The following INPP4B variants were observed in gnomAD, a reference collection of about 807,000 sequenced individuals.
INPP4B encodes the protein inositol polyphosphate-4-phosphatase type II B, also known as inositol polyphosphate 4-phosphatase type II.
Under a neutral mutation model 122.5 loss-of-function variants are expected in INPP4B, and 55 were observed. The observed-to-expected ratio is 0.45, with a 90% CI of 0.36 to 0.56. The LOEUF is 0.56. Among genes scored for constraint, INPP4B ranks in the 20% least tolerant of loss-of-function variants. The pLI is 0.00. For synonymous variants in INPP4B, 403 were observed against 388.7 expected (o/e 1.04, Z -0.43); for missense variants, 1,000 against 1,097.7 (o/e 0.91, Z 1.26).
intron 3 of INPP4B, among the ~76,000 whole-genome samples, chr4:142,434,233 A>G (rs11931981): frequency 0.025 from 3,740 of 152,226 alleles, 148 homozygotes; most frequent in African/African-American, 0.085. Context: ...ATTTTTACAT[A>G]ATGAGCTGAA....
intron 10 of INPP4B, 135 bp downstream of exon 10, chr4:142,270,528 C>T: frequency 1.5e-6 from 1 of 654,450 alleles, no homozygotes. Context: ...TATTGTATTC[C>T]AATTTCAGAG....
At position 142,024,608 on chromosome 4, in the gene INPP4B, C is replaced by G. The variant is rs1183595922; in HGVS notation, c.*4174G>C. On this transcript the variant is annotated 3_prime_UTR_variant, in exon 26 of 26. Coordinates refer to ENST00000262992, the MANE Select transcript of INPP4B (RefSeq NM_001101669.3). ...TACCATCCTGCTTGGAAATCAAACA[C>G]CTAAAACATCTGTGGTGATTTAGCA... 1 of 152,036 alleles carries G rather than the reference C, an allele frequency of 6.6e-6. No individual in the cohort carries two copies. The highest frequency in any genetic ancestry group is 1.5e-5 in the Non-Finnish European group (1 of 68,004). The allele number at this position is 152,036 out of a possible 1,614,324, so 9.4% of individuals were successfully genotyped here.
At chr4:142,133,173 TA>T (rs1319710158) in intron 18 of INPP4B, among the ~76,000 whole-genome samples, 2 of 152,214 alleles carry the variant, frequency 1.3e-5, no homozygotes, top group African/African-American at 4.8e-5. Flanking sequence ...CAAGTATATA[TA>T]ATCTATAGGT....
intron 1 of INPP4B, among the ~76,000 whole-genome samples, chr4:142,843,256 AT>A (rs1783782732): frequency 6.6e-6 from 1 of 151,696 alleles, no homozygotes; most frequent in African/African-American, 2.4e-5. Flanking sequence ...CTAAAAATAA[AT>A]GTTTAAACTA....
intron 12 of INPP4B, among the ~76,000 whole-genome samples, chr4:142,210,456 A>G (rs1844436311): frequency 6.6e-6 from 1 of 152,122 alleles, no homozygotes; most frequent in African/African-American, 2.4e-5. Flanking sequence ...AGAGTAAAGA[A>G]AAAAAAATCA....
intron 1 of INPP4B, among the ~76,000 whole-genome samples, chr4:142,786,865 A>G (rs761973843): frequency 1.3e-5 from 2 of 152,144 alleles, no homozygotes; most frequent in African/African-American, 2.4e-5. Context: ...AAAAATTTAA[A>G]GAGGGGGAAA....
At chr4:142,419,280 G>A (rs912829317) in intron 5 of INPP4B, among the ~76,000 whole-genome samples, 16 of 152,258 alleles carry the variant, frequency 1.1e-4, no homozygotes, top group African/African-American at 3.6e-4. Context: ...CTGTGGAAAA[G>A]TGAGAGCAAG....
chr4:142,712,967 C>G (rs1331183933), intron 2 of INPP4B, among the ~76,000 whole-genome samples: 1 of 152,168 alleles, frequency 6.6e-6, no homozygotes, highest in Non-Finnish European at 1.5e-5. Context: ...TGTTTTGACT[C>G]TGAGGCCAGT....
chr4:142,812,354 G>A (rs1779616758), intron 1 of INPP4B, among the ~76,000 whole-genome samples: 1 of 152,178 alleles, frequency 6.6e-6, no homozygotes, highest in South Asian at 2.1e-4. Flanking sequence ...GAGAAACATT[G>A]CACTTTTTTC....
chr4:142,721,698 G>A (rs375912507), intron 2 of INPP4B, among the ~76,000 whole-genome samples: 86 of 152,216 alleles, frequency 5.6e-4, no homozygotes, highest in African/African-American at 1.6e-3. Flanking sequence ...GCGCGTGCCT[G>A]TAGTCCCAGC....
intron 2 of INPP4B, among the ~76,000 whole-genome samples, chr4:142,670,764 G>C (rs1756882218): frequency 6.6e-6 from 1 of 151,976 alleles, no homozygotes; most frequent in Admixed American, 6.6e-5. Flanking sequence ...ATAATATATT[G>C]TATTATTAAA....
intron 2 of INPP4B, among the ~76,000 whole-genome samples, chr4:142,604,396 G>C (rs938469237): frequency 1.3e-4 from 20 of 151,930 alleles, no homozygotes; most frequent in Non-Finnish European, 7.4e-5. Flanking sequence ...GCAAGGAAAA[G>C]AAATAAAAAG....
At chr4:142,192,492 G>A (rs2149351453) in intron 15 of INPP4B, among the ~76,000 whole-genome samples, 1 of 152,008 alleles carries the variant, frequency 6.6e-6, no homozygotes, top group East Asian at 1.9e-4. Flanking sequence ...AAGACATGGG[G>A]GAGAATAATA....
chr4:142,449,341 A>G (rs990466931), intron 3 of INPP4B, among the ~76,000 whole-genome samples: 2 of 152,180 alleles, frequency 1.3e-5, no homozygotes, highest in African/African-American at 2.4e-5. Flanking sequence ...GACAAGCAGC[A>G]TCTGTATTAC....
At chr4:142,340,014 C>G (rs28664218) in intron 7 of INPP4B, among the ~76,000 whole-genome samples, 1 of 151,960 alleles carries the variant, frequency 6.6e-6, no homozygotes, top group Non-Finnish European at 1.5e-5. Flanking sequence ...TTCTAAGCTA[C>G]AAGACTGTCT....
intron 2 of INPP4B, among the ~76,000 whole-genome samples, chr4:142,511,538 A>G (rs1824714905): frequency 6.6e-6 from 1 of 152,162 alleles, no homozygotes; most frequent in African/African-American, 2.4e-5. Flanking sequence ...AAACAATACT[A>G]TAGTATAAGT....
Position 142,603,962 on chromosome 4 carries a change from G to A in INPP4B, c.-191+121877C>T, listed in dbSNP as rs372913570. Among the ~76,000 whole-genome samples, 7 of 151,644 alleles carry A rather than the reference G, an allele frequency of 4.6e-5. 1 individual carries two copies. In the East Asian group the frequency reaches 9.7e-4, roughly 21 times the overall value. On this transcript the variant is annotated intron_variant, in intron 2 of 25. Transcript: ENST00000262992. ...AGGCCAATACCCCTGCTGAACATAGGTGCAAAAAATCCTCAATGAAGTACT... is the reference window on the plus strand; with the variant it reads ...AGGCCAATACCCCTGCTGAACATAGATGCAAAAAATCCTCAATGAAGTACT...
chr4:142,496,098 T>G (rs895189283), intron 2 of INPP4B, among the ~76,000 whole-genome samples: 4 of 152,210 alleles, frequency 2.6e-5, no homozygotes, highest in Admixed American at 2.6e-4. Flanking sequence ...GCAGTTTTCT[T>G]GGCCTCACAT....
intron 15 of INPP4B, among the ~76,000 whole-genome samples, chr4:142,181,628 T>TATTC (rs568375218): frequency 3.0e-4 from 46 of 152,318 alleles, no homozygotes; most frequent in South Asian, 1.0e-3. Context: ...ATAGTTTGCT[T>TATTC]ATTCATTCAT....
Sources: gnomAD v4.1 joint callset for allele counts (sites outside exome capture counted in the v4.1 genomes callset) on GRCh38, gnomAD v4.1.1 for gene constraint, MANE v1.5 for transcripts, NCBI Gene and HGNC (gene_info 2026-07-23, HGNC 2026-07-21) for gene names.